PLXNA4: variants seen among roughly 807,000 people sequenced by gnomAD.
The protein encoded by PLXNA4 is plexin A4, also known as plexin-A4.
PLXNA4 carries 44 observed loss-of-function variants against 191.8 expected under a neutral mutation model. The ratio of observed to expected loss-of-function variants is 0.23; its 90% CI spans 0.18 to 0.29. The LOEUF (loss-of-function observed/expected upper bound fraction) is 0.29, where lower values mean the gene tolerates loss of function less well. Ranked by LOEUF, PLXNA4 falls within the 10% of genes least tolerant of loss-of-function variation. The probability of loss-of-function intolerance (pLI) is 1.00; values close to 1 mark genes in which losing one functional copy is unlikely to be tolerated. For synonymous variants in PLXNA4, 1,082 were observed against 1,009.5 expected (o/e 1.07, Z -1.36); for missense variants, 1,800 against 2,488.8 (o/e 0.72, Z 5.89).
intron 14 of PLXNA4, among the ~76,000 whole-genome samples, chr7:132,189,316 A>G (rs1480040797): frequency 2.6e-5 from 4 of 152,062 alleles, no homozygotes; most frequent in Non-Finnish European, 2.9e-5. Flanking sequence ...GCCATGCTTC[A>G]TAAATATTTC....
chr7:132,284,217 A>T (rs1301868291), intron 4 of PLXNA4, among the ~76,000 whole-genome samples: 1 of 152,180 alleles, frequency 6.6e-6, no homozygotes, highest in Non-Finnish European at 1.5e-5. Flanking sequence ...CTCAACTCAG[A>T]TTTGCTCAAA....
intron 4 of PLXNA4, among the ~76,000 whole-genome samples, chr7:132,284,666 G>T (rs1235809668): frequency 3.9e-5 from 6 of 152,172 alleles, no homozygotes; most frequent in Non-Finnish European, 8.8e-5. Context: ...GCCGATGGAG[G>T]CCTCCTGGTC....
intron 25 of PLXNA4, among the ~76,000 whole-genome samples, chr7:132,148,940 A>G (rs1030148502): frequency 7.2e-5 from 11 of 152,198 alleles, no homozygotes; most frequent in Admixed American, 7.2e-4. Flanking sequence ...TAGGTGCTCA[A>G]AAAGTATTGG....
intron 3 of PLXNA4, among the ~76,000 whole-genome samples, chr7:132,427,229 G>A (rs750425162): frequency 9.9e-5 from 15 of 152,194 alleles, no homozygotes; most frequent in Admixed American, 2.0e-4. Flanking sequence ...AGACCTTAAA[G>A]CCTTCAGAGA....
chr7:132,372,866 A>G (rs892219342), intron 3 of PLXNA4, among the ~76,000 whole-genome samples: 1 of 152,228 alleles, frequency 6.6e-6, no homozygotes, highest in Non-Finnish European at 1.5e-5. Context: ...TAAAGAAGAT[A>G]ATCTTTGTCC....
chr7:132,546,471 G>A (rs1165281091), intron 1 of PLXNA4, among the ~76,000 whole-genome samples: 1 of 152,158 alleles, frequency 6.6e-6, no homozygotes, highest in Non-Finnish European at 1.5e-5. Flanking sequence ...AAAGCCATTT[G>A]TAAGCATATC....
chr7:132,613,977 G>T (rs1803103391), intron 2 of PLXNA4, among the ~76,000 whole-genome samples: 1 of 152,130 alleles, frequency 6.6e-6, no homozygotes. Flanking sequence ...TTGCATAGGT[G>T]GAAGATGGGG....
intron 9 of PLXNA4, among the ~76,000 whole-genome samples, chr7:132,213,342 T>C (rs1797863147): frequency 6.6e-6 from 1 of 152,226 alleles, no homozygotes; most frequent in African/African-American, 2.4e-5. Context: ...CTGAACTATA[T>C]CCTTAAAACC....
In PLXNA4 at chr7:132,406,378, G is replaced by T. The variant is rs74659110; in HGVS notation, c.1371+82914C>A. ...CAGTTACTCAGCTACTCCAATTGTG[G>T]CTTATTTCCTCACTTCTGAGATTTT... On this transcript the variant is annotated intron_variant, in intron 3 of 31. Coordinates refer to ENST00000321063, the MANE Select transcript of PLXNA4 (RefSeq NM_020911.2). Among the ~76,000 whole-genome samples the T allele has an allele frequency of 4.3e-4, 65 of 152,286 alleles. No individual in the cohort carries two copies. The East Asian group carries it at 0.012, about 28-fold the overall frequency.
chr7:132,266,990 A>C (rs932974781), intron 4 of PLXNA4, among the ~76,000 whole-genome samples: 4 of 152,152 alleles, frequency 2.6e-5, no homozygotes, highest in African/African-American at 9.7e-5. Flanking sequence ...TGCCATCATC[A>C]TCTAGCAGCA....
In PLXNA4 at chr7:132,369,645, A is replaced by T. The variant is rs147217194; in HGVS notation, c.1372-71423T>A. On this transcript the variant is annotated intron_variant, in intron 3 of 31. Transcript: ENST00000321063. The stretch of plus-strand genomic sequence containing the variant: ...GCCATCACCGAAAAGCAGGCACTTC[A>T]TGTCTGCCCTGAAACCATCACTATG... Among the ~76,000 whole-genome samples, 84 of 152,276 alleles carry T rather than the reference A, an allele frequency of 5.5e-4. 1 individual carries two copies. Among genetic ancestry groups the T allele is most frequent in the African/African-American group, 2.0e-3 (82 of 41,542 alleles).
rs961082873 is a variant in PLXNA4 at position 132,182,177 on chromosome 7, T to C, written c.3172A>G (p.Ile1058Val). The change falls in exon 17 of 32, where the codon ATC becomes GTC. Residue 1058 changes from isoleucine (I) to valine (V), a missense_variant. Around this residue, in one of 6 missense-constraint regions of PLXNA4, gnomAD observed 1,397 missense variants for 1,880.4 expected, o/e 0.74. Coordinates refer to ENST00000321063, the MANE Select transcript of PLXNA4 (RefSeq NM_020911.2). ...EWSIVSGNTPIAVWGTHLDLI... is the reference protein window; with the variant it reads ...EWSIVSGNTPVAVWGTHLDLI... ...TCCAGGTGGGTCCCCCATACGGCGA[T>C]GGGTGTGTTTCCACTGAGCAGGAAG... 34 of 1,614,072 alleles carry C rather than the reference T, an allele frequency of 2.1e-5. No individual in the cohort carries two copies. Among genetic ancestry groups the C allele is most frequent in the Non-Finnish European group, 2.8e-5 (33 of 1,180,012 alleles).
chr7:132,567,702 GAAGT>G (rs1047386938), intron 1 of PLXNA4, among the ~76,000 whole-genome samples: 2 of 152,198 alleles, frequency 1.3e-5, no homozygotes, highest in African/African-American at 4.8e-5. Context: ...GAGTATACAA[GAAGT>G]AAGAAATGAT....
At position 132,517,549 on chromosome 7, in the gene PLXNA4, C is replaced by T. The variant is rs1284090064; in HGVS notation, c.-86-8770G>A. Among the ~76,000 whole-genome samples the T allele has an allele frequency of 2.6e-5, 4 of 152,198 alleles. No individual in the cohort carries two copies. In the East Asian group the frequency reaches 7.7e-4, roughly 29 times the overall value. On this transcript the variant is annotated intron_variant, in intron 1 of 31. Transcript: ENST00000321063. ...CTCACAGGCAGAAACACAGCAAGCT[C>T]ACTGCATCTCAGAGCTGGGATTCAA...
chr7:132,647,792 A>G (rs921622072), intron 1 of PLXNA4, among the ~76,000 whole-genome samples: 17 of 150,154 alleles, frequency 1.1e-4, no homozygotes, highest in Admixed American at 2.6e-4. Flanking sequence ...ACACACATAT[A>G]CACACACAGT....
intron 4 of PLXNA4, 23 bp downstream of exon 4, chr7:132,298,068 T>C (rs753071162): frequency 1.2e-6 from 2 of 1,614,060 alleles, no homozygotes; most frequent in East Asian, 2.2e-5. Flanking sequence ...GACAAATGTC[T>C]AGCGGAGCCC....
intron 4 of PLXNA4, among the ~76,000 whole-genome samples, chr7:132,264,684 C>CTTT (rs56218905): frequency 1.5e-5 from 2 of 130,324 alleles, no homozygotes; most frequent in Admixed American, 7.8e-5. Context: ...GTCCTCCCCG[C>CTTT]TTTTTTTTTT....
At chr7:132,315,192 C>A (rs991816149) in intron 3 of PLXNA4, among the ~76,000 whole-genome samples, 1 of 152,148 alleles carries the variant, frequency 6.6e-6, no homozygotes, top group Admixed American at 6.5e-5. Context: ...GCTTTCACTC[C>A]GGTCTGTTCT....
rs375361189 is a variant in PLXNA4 at position 132,238,143 on chromosome 7, C to T, written c.1604+2923G>A. ...GAGAAAATAGCTGTGTTGGATAAGC[C>T]TTGTTCAGGTATGTGTTATAGTGCT... On this transcript the variant is annotated intron_variant, in intron 5 of 31. Coordinates refer to ENST00000321063, the MANE Select transcript of PLXNA4 (RefSeq NM_020911.2). 2.0e-4 allele frequency among the ~76,000 whole-genome samples: 31 copies of T among 152,246 alleles called. No homozygotes were observed. The East Asian group carries it at 3.9e-3, about 19-fold the overall frequency.
Sources: allele counts gnomAD v4.1 joint callset (sites outside exome capture counted in the v4.1 genomes callset), GRCh38; gene constraint gnomAD v4.1.1; regional missense constraint gnomAD v4.1.1; transcripts MANE v1.5; gene names NCBI Gene and HGNC (gene_info 2026-07-23, HGNC 2026-07-21).